VAT1L: variants seen among roughly 807,000 people sequenced by gnomAD.
The protein encoded by VAT1L is vesicle amine transport 1 like.
Under a neutral mutation model 44.1 loss-of-function variants are expected in VAT1L, and 34 were observed. The observed-to-expected ratio is 0.77, with a 90% CI of 0.59 to 1.03. The LOEUF (loss-of-function observed/expected upper bound fraction) is 1.03. Ranked by LOEUF, VAT1L falls within the 50% of genes least tolerant of loss-of-function variation. The pLI is 0.00. For missense variants in VAT1L, 615 were observed against 538.8 expected (o/e 1.14, Z -1.40); for synonymous variants, 253 against 202.2 (o/e 1.25, Z -2.13).
chr16:77,952,095 G>C lies in VAT1L; in HGVS notation c.1078-19755G>C, dbSNP rs1322328347. ...TATCCTTCCCAGAGACTGGGAGATAGGGATGCTATCTTTCTTGATTACATT... is the reference window on the plus strand; with the variant it reads ...TATCCTTCCCAGAGACTGGGAGATACGGATGCTATCTTTCTTGATTACATT... On this transcript the variant is annotated intron_variant, in intron 7 of 8. Coordinates refer to ENST00000302536, the MANE Select transcript of VAT1L (RefSeq NM_020927.3). 2.0e-5 allele frequency among the ~76,000 whole-genome samples: 3 copies of C among 152,184 alleles called. 1 individual carries two copies. The South Asian group carries it at 6.2e-4, about 31-fold the overall frequency.
intron 4 of VAT1L, among the ~76,000 whole-genome samples, chr16:77,865,702 A>T (rs536505481): frequency 1.3e-5 from 2 of 152,320 alleles, no homozygotes; most frequent in South Asian, 4.1e-4. Flanking sequence ...GGCCAAAGGA[A>T]GAGCATTTCT....
At chr16:77,945,036 C>G (rs1010710475) in intron 7 of VAT1L, among the ~76,000 whole-genome samples, 1 of 152,166 alleles carries the variant, frequency 6.6e-6, no homozygotes, top group Non-Finnish European at 1.5e-5. Context: ...TATAGACTCA[C>G]CATGGTACAA....
At chr16:77,802,024 T>C (rs1423092484) in intron 1 of VAT1L, among the ~76,000 whole-genome samples, 1 of 152,196 alleles carries the variant, frequency 6.6e-6, no homozygotes, top group Non-Finnish European at 1.5e-5. Flanking sequence ...CTTCTCTGTC[T>C]GACCCCGGAG....
intron 7 of VAT1L, among the ~76,000 whole-genome samples, chr16:77,971,318 A>G (rs943046023): frequency 1.3e-5 from 2 of 152,192 alleles, no homozygotes; most frequent in Non-Finnish European, 2.9e-5. Flanking sequence ...TGGGGAGAAT[A>G]TTATAGTGTT....
intron 2 of VAT1L, among the ~76,000 whole-genome samples, chr16:77,823,840 C>G (rs1224686305): frequency 1.3e-5 from 2 of 151,968 alleles, no homozygotes; most frequent in East Asian, 1.9e-4. Context: ...ATGGTGAAAC[C>G]CCGTCTCTAA....
At chr16:77,955,183 G>A (rs1357264725) in intron 7 of VAT1L, among the ~76,000 whole-genome samples, 4 of 152,194 alleles carry the variant, frequency 2.6e-5, no homozygotes, top group Non-Finnish European at 5.9e-5. Flanking sequence ...TGGAGCAATG[G>A]GAGGGGAGAG....
intron 1 of VAT1L, among the ~76,000 whole-genome samples, chr16:77,797,460 G>A (rs892518768): frequency 4.6e-5 from 7 of 152,158 alleles, no homozygotes; most frequent in Admixed American, 1.3e-4. Flanking sequence ...AACTTCCAGG[G>A]TTGGGAATGG....
intron 7 of VAT1L, among the ~76,000 whole-genome samples, chr16:77,893,718 C>G (rs2017292157): frequency 1.3e-5 from 2 of 152,188 alleles, no homozygotes; most frequent in Admixed American, 1.3e-4. Flanking sequence ...ATTATTATCC[C>G]CATCTTACAG....
At chr16:77,911,667 G>T (rs146152233) in intron 7 of VAT1L, among the ~76,000 whole-genome samples, 1 of 152,266 alleles carries the variant, frequency 6.6e-6, no homozygotes, top group African/African-American at 2.4e-5. Flanking sequence ...AGGAGTGGCT[G>T]TTTGTGGGAG....
chr16:77,811,886 T>G (rs2016271223), intron 1 of VAT1L, among the ~76,000 whole-genome samples: 1 of 152,118 alleles, frequency 6.6e-6, no homozygotes, highest in Non-Finnish European at 1.5e-5. Flanking sequence ...CCTCTCTACC[T>G]AAGCTTTGAT....
intron 7 of VAT1L, among the ~76,000 whole-genome samples, chr16:77,934,260 G>C (rs556999044): frequency 1.1e-4 from 16 of 152,176 alleles, no homozygotes; most frequent in African/African-American, 3.6e-4. Flanking sequence ...CTAGGTTTTT[G>C]GCCTGAAGAG....
intron 3 of VAT1L, among the ~76,000 whole-genome samples, chr16:77,826,660 C>T (rs1180161753): frequency 6.6e-6 from 1 of 152,162 alleles, no homozygotes; most frequent in African/African-American, 2.4e-5. Flanking sequence ...TGCATGCCTG[C>T]TACATGGCAA....
chr16:77,957,416 G>C (rs2018115011), intron 7 of VAT1L, among the ~76,000 whole-genome samples: 1 of 152,028 alleles, frequency 6.6e-6, no homozygotes, highest in African/African-American at 2.4e-5. Context: ...AAGATTCAAA[G>C]CCAAAAAAAA....
In VAT1L at chr16:77,874,815, A is replaced by C. The variant is rs144956911; in HGVS notation, c.723-1555A>C. ...TGCCTAGTGCAGTGCCCACTGCTGAATATTTAATGAACAAATTAATTTGTA... is the reference window on the plus strand; with the variant it reads ...TGCCTAGTGCAGTGCCCACTGCTGACTATTTAATGAACAAATTAATTTGTA... On this transcript the variant is annotated intron_variant, in intron 4 of 8. Transcript: ENST00000302536. Among the ~76,000 whole-genome samples, 23 of 148,490 alleles carry C rather than the reference A, an allele frequency of 1.5e-4. No homozygotes were observed. In the East Asian group the frequency reaches 4.6e-3, roughly 30 times the overall value.
intron 6 of VAT1L, chr16:77,882,460 G>A (rs955470423): frequency 6.6e-6 from 1 of 152,200 alleles, no homozygotes; most frequent in Non-Finnish European, 1.5e-5. Context: ...AATAAAAGTG[G>A]TGTATGTTTA....
At chr16:77,809,571 C>T (rs1302223728) in intron 1 of VAT1L, among the ~76,000 whole-genome samples, 2 of 152,108 alleles carry the variant, frequency 1.3e-5, no homozygotes, top group East Asian at 3.9e-4. Flanking sequence ...GAGCTGGGGC[C>T]AGGATGTGCA....
intron 1 of VAT1L, among the ~76,000 whole-genome samples, chr16:77,798,127 A>G (rs1446094749): frequency 6.6e-6 from 1 of 152,166 alleles, no homozygotes; most frequent in African/African-American, 2.4e-5. Flanking sequence ...GCTTCACCAA[A>G]CAGAACCCAA....
chr16:77,839,534 T>TC (rs1555513711), intron 3 of VAT1L, among the ~76,000 whole-genome samples: 1 of 8,588 alleles, frequency 1.2e-4, no homozygotes, highest in Non-Finnish European at 1.8e-4. Context: ...ATACTCCATA[T>TC]CAAAAAAAAA....
chr16:77,829,681 T>A (rs953918841), intron 3 of VAT1L, among the ~76,000 whole-genome samples: 5 of 152,192 alleles, frequency 3.3e-5, no homozygotes, highest in African/African-American at 1.2e-4. Flanking sequence ...GGTAACAGAA[T>A]GAGACTCATG....
Sources: gnomAD v4.1 joint callset for allele counts (sites outside exome capture counted in the v4.1 genomes callset) on GRCh38, gnomAD v4.1.1 for gene constraint, MANE v1.5 for transcripts, NCBI Gene and HGNC (gene_info 2026-07-23, HGNC 2026-07-21) for gene names.